MVB12A: variants seen among roughly 807,000 people sequenced by gnomAD.
MVB12A encodes the protein CIN85/CD2AP family binding protein.
A neutral mutation model predicts 34.3 loss-of-function variants in MVB12A; 30 were observed. The observed-to-expected ratio is 0.88, with a 90% CI of 0.65 to 1.19. The LOEUF (loss-of-function observed/expected upper bound fraction) is 1.19, where lower values mean the gene tolerates loss of function less well. Among genes scored for constraint, MVB12A ranks in the 50% most tolerant of loss-of-function variants. The pLI is 0.00. For missense variants in MVB12A, 355 were observed against 369.2 expected (o/e 0.96, Z 0.31); for synonymous variants, 158 against 158.9 (o/e 0.99, Z 0.04).
intron 2 of MVB12A, among the ~76,000 whole-genome samples, chr19:17,410,575 TAC>T (rs1287230364): frequency 1.7e-5 from 2 of 120,750 alleles, no homozygotes; most frequent in Admixed American, 8.2e-5. Flanking sequence ...TACATATATA[TAC>T]ATATATATAT....
At chr19:17,420,935 T>C (rs1197058875) in intron 3 of MVB12A, 2 of 610,780 alleles carry the variant, frequency 3.3e-6, no homozygotes, top group South Asian at 3.0e-5. Context: ...GCAAAACCAC[T>C]GCGCAGTTTT....
chr19:17,420,079 C>CTT lies in MVB12A; in HGVS notation c.-57_-56insTT. ...GGTCGCGAGCGCTGCCGTCGGGAGG[C>CTT]GCTCCGAGGTTCGAGGCTGTGCCCC... On this transcript the variant is annotated 5_prime_UTR_variant, in exon 1 of 9. Transcript: ENST00000317040. 9.0e-7 allele frequency: 1 copy of CTT among 1,105,562 alleles called. No homozygotes were observed. The highest frequency in any genetic ancestry group is 3.7e-4 in the Middle Eastern group (1 of 2,680). 68.5% of individuals were successfully genotyped at this position (1,105,562 alleles called of 1,614,324 possible). A position where few individuals can be genotyped will look rare whatever the true frequency, so the allele number is the denominator to read the frequency against.
rs1272903988 is a variant in MVB12A, at chr19:17,422,589, GT to G, written c.413+133del. On this transcript the variant is annotated intron_variant, in intron 4 of 8. Coordinates refer to ENST00000317040, the MANE Select transcript of MVB12A (RefSeq NM_138401.4). Reference sequence around the variant, plus strand: ...ACCTTCTGAGCCTCAGATTCTGCATGTTAAAACCGGGACATATATATCATCT... The same window carrying G: ...ACCTTCTGAGCCTCAGATTCTGCATGTAAAACCGGGACATATATATCATCT... 10 of 836,536 alleles carry G rather than the reference GT, an allele frequency of 1.2e-5. No homozygotes were observed. In the Admixed American group the frequency reaches 3.2e-4, roughly 27 times the overall value. The allele number at this position is 836,536 out of a possible 1,614,324, so 51.8% of individuals were successfully genotyped here.
At chr19:17,411,660 T>C (rs2074770137) in intron 2 of MVB12A, among the ~76,000 whole-genome samples, 1 of 151,910 alleles carries the variant, frequency 6.6e-6, no homozygotes, top group African/African-American at 2.4e-5. Flanking sequence ...CACGCCCAGC[T>C]AAGTTTTGTA....
intron 2 of MVB12A, among the ~76,000 whole-genome samples, chr19:17,412,894 G>A (rs1440558165): frequency 6.6e-6 from 1 of 152,178 alleles, no homozygotes; most frequent in East Asian, 1.9e-4. Context: ...TGTAATCAGT[G>A]CTGTCAGGAT....
At chr19:17,409,815 G>C (rs995241689) in intron 2 of MVB12A, among the ~76,000 whole-genome samples, 2 of 150,614 alleles carry the variant, frequency 1.3e-5, no homozygotes, top group African/African-American at 2.4e-5. Flanking sequence ...GCATTGGCAC[G>C]ATCTCGTCTC....
intron 2 of MVB12A, among the ~76,000 whole-genome samples, chr19:17,406,933 G>A (rs2074732759): frequency 6.6e-6 from 1 of 152,160 alleles, no homozygotes; most frequent in African/African-American, 2.4e-5. Context: ...AGCCTGGCCA[G>A]GACTCCAGGT....
upstream of MVB12A, among the ~76,000 whole-genome samples, chr19:17,416,493 G>C (rs1255316385): frequency 6.9e-6 from 1 of 145,052 alleles, no homozygotes; most frequent in African/African-American, 2.6e-5. Flanking sequence ...TCTGCTCACT[G>C]AAACCTCCAC....
intron 7 of MVB12A, among the ~76,000 whole-genome samples, chr19:17,424,390 T>C (rs2074857181): frequency 6.6e-6 from 1 of 152,144 alleles, no homozygotes; most frequent in African/African-American, 2.4e-5. Context: ...GAGACCAGCC[T>C]GGCCAACATG....
chr19:17,418,833 G>T (rs530609188), upstream of MVB12A: 1 of 139,582 alleles, frequency 7.2e-6, no homozygotes, highest in Non-Finnish European at 1.5e-5. Context: ...TTACCCTGTT[G>T]CCATGACAGC....
chr19:17,422,227 G>A (rs2074842673), intron 3 of MVB12A, 105 bp from the exon 4 acceptor site: 2 of 1,020,792 alleles, frequency 2.0e-6, no homozygotes, highest in African/African-American at 3.2e-5. Flanking sequence ...TTGTCCATGT[G>A]GCTGCCTTAA....
chr19:17,420,809 C>T (rs1365085026), intron 3 of MVB12A, 175 bp downstream of exon 3: 4 of 640,908 alleles, frequency 6.2e-6, no homozygotes, highest in East Asian at 5.4e-5. Flanking sequence ...ATCCCCTGTC[C>T]TGATTCAAAA....
chr19:17,405,876 C>G, intron 1 of MVB12A: 1 of 326,926 alleles, frequency 3.1e-6, no homozygotes, highest in South Asian at 3.5e-5. Flanking sequence ...CCCTGTGCCT[C>G]TGCTGTGTGT....
rs145682576 is a variant in MVB12A, at chr19:17,424,622, C to G, written c.704C>G (p.Ala235Gly). The change falls in exon 8 of 9, where the codon GCC becomes GGC. Residue 235 changes from alanine (A) to glycine (G), a missense_variant and splice_region_variant. By Grantham distance (60) the Ala-to-Gly change is moderately conservative (BLOSUM62 0). Coordinates refer to ENST00000317040, the MANE Select transcript of MVB12A (RefSeq NM_138401.4). ...RFEGKSCSPL[A>G]FSAFGDLTIK... The stretch of plus-strand genomic sequence containing the variant: ...GGCTGACCCACCTCTGCCCGCCAGG[C>G]CTTCTCTGCTTTTGGGGACCTGACC... 16 of 1,612,464 alleles carry G rather than the reference C, an allele frequency of 9.9e-6. No individual in the cohort carries two copies. Among genetic ancestry groups the G allele is most frequent in the African/African-American group, 1.3e-5 (1 of 74,820 alleles).
upstream of MVB12A, chr19:17,415,355 C>T (rs749381815): frequency 3.9e-5 from 6 of 152,228 alleles, no homozygotes; most frequent in Non-Finnish European, 7.4e-5. Flanking sequence ...TCAAAGGAGC[C>T]CAATTAGCTG....
In MVB12A at chr19:17,420,612, C is replaced by A. The variant is rs771227568; in HGVS notation, c.264C>A (p.Pro88=). 2 of 1,612,694 alleles carry A rather than the reference C, an allele frequency of 1.2e-6. No individual in the cohort carries two copies. The highest frequency in any genetic ancestry group is 1.7e-6 in the Non-Finnish European group (2 of 1,178,816). The stretch of plus-strand genomic sequence containing the variant: ...GCCCCCTGCCGCTGGGCTTCTCCCC[C>A]GTCTGCGACCCCATGGATTCCAGTA... ...DKSPLPLGFS[P]VCDPMDSKAS... is the part of the protein sequence containing the mutation. Residue 88 remains proline (P), a synonymous_variant, in exon 3 of 9, where the codon CCC becomes CCA. Transcript: ENST00000317040.
At chr19:17,423,435 G>T (rs1478159120) in intron 4 of MVB12A, 63 bp from the exon 5 acceptor site, 97 of 1,572,502 alleles carry the variant, frequency 6.2e-5, no homozygotes, top group Non-Finnish European at 1.1e-5. Flanking sequence ...CTTCTCCAGG[G>T]GCTATCCTCA....
At chr19:17,421,207 G>T (rs112947477) in intron 3 of MVB12A, 1 of 350,462 alleles carries the variant, frequency 2.9e-6, no homozygotes, top group African/African-American at 2.6e-5. Context: ...TTCTTCAGAC[G>T]GAGTTTCGCT....
intron 3 of MVB12A, 50 bp downstream of exon 3, chr19:17,420,684 A>T (rs558620414): frequency 1.4e-6 from 2 of 1,394,414 alleles, no homozygotes; most frequent in South Asian, 2.3e-5. Context: ...TGCAGGGAGG[A>T]GCGGGGGAGG....
Sources: allele counts gnomAD v4.1 joint callset (sites outside exome capture counted in the v4.1 genomes callset), GRCh38; gene constraint gnomAD v4.1.1; transcripts MANE v1.5; gene names NCBI Gene and HGNC (gene_info 2026-07-23, HGNC 2026-07-21).